The following RBFOX1 variants were observed in gnomAD, a reference collection of about 807,000 sequenced individuals.
RBFOX1 encodes the protein RNA binding protein fox-1 homolog 1.
RBFOX1 carries 8 observed loss-of-function variants against 57.7 expected under a neutral mutation model. The observed-to-expected ratio is 0.14, with a 90% CI of 0.08 to 0.25. The LOEUF is 0.25. Among genes scored for constraint, RBFOX1 ranks in the 10% least tolerant of loss-of-function variants. The pLI is 1.00. For synonymous variants in RBFOX1, 326 were observed against 222.4 expected (o/e 1.47, Z -4.15); for missense variants, 611 against 548.5 (o/e 1.11, Z -1.14).
intron 3 of RBFOX1, among the ~76,000 whole-genome samples, chr16:5,771,983 C>G (rs1383186715): frequency 6.6e-6 from 1 of 152,044 alleles, no homozygotes; most frequent in Non-Finnish European, 1.5e-5. Flanking sequence ...ACCAGCCTGA[C>G]CAACATGGTG....
At chr16:5,967,587 G>C (rs923452899) in intron 4 of RBFOX1, among the ~76,000 whole-genome samples, 8 of 152,096 alleles carry the variant, frequency 5.3e-5, no homozygotes, top group Non-Finnish European at 1.2e-4. Flanking sequence ...AATTTTAAAA[G>C]GATAAAATAC....
intron 3 of RBFOX1, among the ~76,000 whole-genome samples, chr16:6,849,733 G>A (rs756720125): frequency 1.3e-5 from 2 of 152,030 alleles, no homozygotes; most frequent in Middle Eastern, 3.4e-3. Context: ...TGTCTACATC[G>A]CCTACATCCC....
chr16:6,913,914 C>T (rs761042472), intron 3 of RBFOX1, among the ~76,000 whole-genome samples: 3 of 152,176 alleles, frequency 2.0e-5, no homozygotes, highest in Non-Finnish European at 4.4e-5. Context: ...ATAAAGCAAA[C>T]ACTAAAGGCC....
intron 4 of RBFOX1, among the ~76,000 whole-genome samples, chr16:7,367,379 C>G (rs1234593102): frequency 6.6e-6 from 1 of 152,218 alleles, no homozygotes; most frequent in Non-Finnish European, 1.5e-5. Context: ...GTCATTTTGG[C>G]TAGTCTTCCT....
intron 4 of RBFOX1, among the ~76,000 whole-genome samples, chr16:5,953,538 A>G (rs539927775): frequency 6.6e-6 from 1 of 152,006 alleles, no homozygotes; most frequent in East Asian, 1.9e-4. Flanking sequence ...GGTCATTCTT[A>G]TGCCTTTGCA....
At chr16:6,450,827 A>ATATGTG (rs1567303659) in intron 2 of RBFOX1, among the ~76,000 whole-genome samples, 1 of 35,830 alleles carries the variant, frequency 2.8e-5, no homozygotes, top group African/African-American at 1.4e-4. Flanking sequence ...ACATATATAT[A>ATATGTG]TATATATATG....
chr16:6,141,319 C>T (rs140761346), intron 1 of RBFOX1, among the ~76,000 whole-genome samples: 4 of 152,284 alleles, frequency 2.6e-5, no homozygotes, highest in Non-Finnish European at 5.9e-5. Context: ...AAGGGCGATA[C>T]GGAAGAGCTG....
chr16:7,067,750 T>G (rs1411482602), intron 4 of RBFOX1, among the ~76,000 whole-genome samples: 2 of 144,156 alleles, frequency 1.4e-5, no homozygotes, highest in Non-Finnish European at 3.0e-5. Context: ...GTGTTCTCAT[T>G]GTTCAATTCC....
chr16:7,558,112 TG>T (rs1170565439), intron 5 of RBFOX1, among the ~76,000 whole-genome samples: 1 of 152,086 alleles, frequency 6.6e-6, no homozygotes, highest in Non-Finnish European at 1.5e-5. Context: ...TCCAGCACTT[TG>T]GGGGGCCGAG....
At chr16:7,456,691 G>C (rs1013865550) in intron 4 of RBFOX1, among the ~76,000 whole-genome samples, 1 of 152,122 alleles carries the variant, frequency 6.6e-6, no homozygotes, top group Non-Finnish European at 1.5e-5. Context: ...TTCCTGGGAT[G>C]TTCACCTTCC....
At chr16:5,705,796 G>A (rs112061647) in intron 3 of RBFOX1, among the ~76,000 whole-genome samples, 3 of 152,180 alleles carry the variant, frequency 2.0e-5, no homozygotes, top group African/African-American at 7.2e-5. Flanking sequence ...ATCTGTGTGC[G>A]AGGCCTCTTG....
intron 1 of RBFOX1, among the ~76,000 whole-genome samples, chr16:5,341,692 C>T (rs2065036362): frequency 6.6e-6 from 1 of 152,188 alleles, no homozygotes; most frequent in Non-Finnish European, 1.5e-5. Flanking sequence ...AGGGCATCTT[C>T]ATTTTGCCCT....
intron 1 of RBFOX1, among the ~76,000 whole-genome samples, chr16:6,277,634 C>T (rs2075962192): frequency 6.8e-6 from 1 of 146,352 alleles, no homozygotes; most frequent in Non-Finnish European, 1.5e-5. Context: ...CCACGGCAAC[C>T]CAGCCTGGGC....
chr16:7,451,032 A>G lies in RBFOX1; in HGVS notation c.28-67115A>G, dbSNP rs1201588764. 3.3e-5 allele frequency among the ~76,000 whole-genome samples: 5 copies of G among 152,288 alleles called. No homozygotes were observed. The East Asian group carries it at 9.7e-4, about 29-fold the overall frequency. On this transcript the variant is annotated intron_variant, in intron 4 of 15. Transcript: ENST00000550418. ...GACCTGGGCTTCGCTTCTGAGTGGT[A>G]AACTCAGAGGCAGCTGGGAGTCCCT... is the stretch of plus-strand genomic sequence containing the variant.
At chr16:6,341,846 G>C (rs1477228325) in intron 2 of RBFOX1, among the ~76,000 whole-genome samples, 2 of 152,140 alleles carry the variant, frequency 1.3e-5, no homozygotes, top group African/African-American at 4.8e-5. Context: ...CCGTTTATTG[G>C]AGTCCAAATC....
At chr16:5,501,008 T>G (rs2043174952) in intron 2 of RBFOX1, among the ~76,000 whole-genome samples, 1 of 152,018 alleles carries the variant, frequency 6.6e-6, no homozygotes, top group Non-Finnish European at 1.5e-5. Context: ...CTTTCAACAT[T>G]CCATGAGCCT....
intron 4 of RBFOX1, among the ~76,000 whole-genome samples, chr16:7,223,726 A>AG (rs959373271): frequency 4.0e-5 from 6 of 149,662 alleles, no homozygotes; most frequent in Admixed American, 1.3e-4. Context: ...AAAAAAAAAA[A>AG]AAAAAGAAAA....
chr16:7,540,991 A>T (rs537079750), intron 5 of RBFOX1, among the ~76,000 whole-genome samples: 1 of 152,310 alleles, frequency 6.6e-6, no homozygotes, highest in Non-Finnish European at 1.5e-5. Flanking sequence ...TAGCTCTCTC[A>T]GAGGTTCAAG....
intron 1 of RBFOX1, among the ~76,000 whole-genome samples, chr16:5,373,299 C>T (rs1188228748): frequency 6.6e-6 from 1 of 152,162 alleles, no homozygotes; most frequent in Non-Finnish European, 1.5e-5. Context: ...TTTATGTCCC[C>T]AAGCAAATTT....
Sources: allele counts gnomAD v4.1 joint callset (sites outside exome capture counted in the v4.1 genomes callset), GRCh38; gene constraint gnomAD v4.1.1; transcripts MANE v1.5; gene names NCBI Gene and HGNC (gene_info 2026-07-23, HGNC 2026-07-21).